The following CHD6 variants were observed in gnomAD, a reference collection of about 807,000 sequenced individuals.
The protein encoded by CHD6 is ATP-dependent chromatin remodeler CHD6.
CHD6 carries 50 observed loss-of-function variants against 276.9 expected under a neutral mutation model. The observed-to-expected ratio is 0.18, with a 90% CI of 0.14 to 0.23. The LOEUF (loss-of-function observed/expected upper bound fraction) is 0.23, where lower values mean the gene tolerates loss of function less well. Ranked by LOEUF, CHD6 falls within the 10% of genes least tolerant of loss-of-function variation. The probability of loss-of-function intolerance (pLI) is 1.00; values close to 1 mark genes in which losing one functional copy is unlikely to be tolerated. For synonymous variants in CHD6, 1,173 were observed against 1,229.3 expected, an observed-to-expected ratio of 0.95 and a Z score of 0.96; for missense variants, 2,564 against 3,365.8, an observed-to-expected ratio of 0.76 and a Z score of 5.89.
chr20:41,415,654 C>T lies in CHD6; in HGVS notation c.6487-16G>A. The T allele has an allele frequency of 1.9e-6, 3 of 1,546,360 alleles. No homozygotes were observed. Among genetic ancestry groups the T allele is most frequent in the Non-Finnish European group, 2.6e-6 (3 of 1,149,214 alleles). On this transcript the variant is annotated splice_polypyrimidine_tract_variant and intron_variant, in intron 33 of 36. Coordinates refer to ENST00000373233, the MANE Select transcript of CHD6 (RefSeq NM_032221.5). ...AGAAGCTCTCCTGTGAACACACAAA[C>T]AGCAAGAGAGGTCTGAATGTCACAC...
At chr20:41,411,864 TAGG>T (rs1569043489) in intron 36 of CHD6, among the ~76,000 whole-genome samples, 1 of 152,170 alleles carries the variant, frequency 6.6e-6, no homozygotes, top group African/African-American at 2.4e-5. Context: ...ACTCTACAAA[TAGG>T]AGAAACAAAA....
chr20:41,563,863 C>T, intron 1 of CHD6: 1 of 568,272 alleles, frequency 1.8e-6, no homozygotes, highest in African/African-American at 1.9e-5. Context: ...GCTTCAGAGC[C>T]CTGAAAATTC....
intron 27 of CHD6, among the ~76,000 whole-genome samples, chr20:41,436,439 T>C (rs771421607): frequency 4.6e-5 from 7 of 152,176 alleles, no homozygotes; most frequent in Non-Finnish European, 1.0e-4. Context: ...GTACAGCCAC[T>C]CTGGAAAACA....
intron 25 of CHD6, among the ~76,000 whole-genome samples, chr20:41,443,069 CT>C (rs2047948574): frequency 6.6e-6 from 1 of 152,260 alleles, no homozygotes; most frequent in Non-Finnish European, 1.5e-5. Context: ...TTCAAGGCCT[CT>C]GCCCCTCAGC....
chr20:41,548,741 C>A (rs1243313692), intron 2 of CHD6, among the ~76,000 whole-genome samples: 1 of 152,054 alleles, frequency 6.6e-6, no homozygotes, highest in African/African-American at 2.4e-5. Context: ...TCGCAACCTA[C>A]TCATCTGACA....
intron 4 of CHD6, 127 bp from the exon 5 acceptor site, chr20:41,513,122 C>G (rs768789615): frequency 2.2e-5 from 22 of 994,558 alleles, no homozygotes; most frequent in Non-Finnish European, 3.3e-5. Flanking sequence ...AGAAATCTTT[C>G]TTAAATACAA....
At chr20:41,609,435 C>T (rs1379603093) in intron 1 of CHD6, among the ~76,000 whole-genome samples, 1 of 152,202 alleles carries the variant, frequency 6.6e-6, no homozygotes, top group Non-Finnish European at 1.5e-5. Flanking sequence ...AGACAACCTA[C>T]CGCCACTCAC....
In CHD6 at chr20:41,596,700, T is replaced by C. The variant is rs149479663; in HGVS notation, c.-24+21640A>G. Among the ~76,000 whole-genome samples the C allele has an allele frequency of 5.3e-5, 8 of 151,838 alleles. No homozygotes were observed. In the East Asian group the frequency reaches 7.8e-4, roughly 15 times the overall value. The stretch of plus-strand genomic sequence containing the variant: ...CATTTAATATACAGCAGGGAAAAGA[T>C]GAAGGGCCCATGGAGTTTTTAAACA... On this transcript the variant is annotated intron_variant, in intron 1 of 36. Transcript: ENST00000373233.
Position 41,487,255 on chromosome 20 carries a change from G to A in CHD6, c.2001+410C>T, listed in dbSNP as rs1042998411. On this transcript the variant is annotated intron_variant, in intron 14 of 36. Coordinates refer to ENST00000373233, the MANE Select transcript of CHD6 (RefSeq NM_032221.5). ...TTCCTCACTACCTGTGTATTGTGCT[G>A]TATGCAAGAAGATGGGCCTGGGAAC... 1.9e-4 allele frequency among the ~76,000 whole-genome samples: 29 copies of A among 152,184 alleles called. 1 individual carries two copies. The highest frequency in any genetic ancestry group is 2.6e-4 in the Non-Finnish European group (18 of 68,022).
At position 41,452,638 on chromosome 20, in the gene CHD6, TC is replaced by T; in HGVS notation, c.3323+101del. ...AACAGATCCCCCTTTGCCCTATAAT[TC>T]CAAAGGTGACTGGAGAGACATCCTA... On this transcript the variant is annotated intron_variant, in intron 21 of 36. Coordinates refer to ENST00000373233, the MANE Select transcript of CHD6 (RefSeq NM_032221.5). The surrounding 1 kb of genome is among the most constrained non-coding windows in gnomAD (Gnocchi z 4.2). 2 of 1,053,640 alleles carry T rather than the reference TC, an allele frequency of 1.9e-6. No individual in the cohort carries two copies. Among genetic ancestry groups the T allele is most frequent in the Non-Finnish European group, 2.8e-6 (2 of 712,516 alleles). The allele number at this position is 1,053,640 out of a possible 1,614,324, so 65.3% of individuals were successfully genotyped here. A position where few individuals can be genotyped will look rare whatever the true frequency, so the allele number is the denominator to read the frequency against.
At chr20:41,601,562 G>A (rs529965964) in intron 1 of CHD6, among the ~76,000 whole-genome samples, 5 of 152,196 alleles carry the variant, frequency 3.3e-5, no homozygotes, top group South Asian at 2.1e-4. Context: ...GCCAGGAAAG[G>A]TATGCTCCTG....
intron 5 of CHD6, among the ~76,000 whole-genome samples, chr20:41,507,843 T>G (rs1323261318): frequency 6.6e-6 from 1 of 152,198 alleles, no homozygotes. Context: ...CTCAGCCAAC[T>G]ACCTCTTTTA....
chr20:41,579,910 G>T (rs1482010522), intron 1 of CHD6, among the ~76,000 whole-genome samples: 2 of 151,996 alleles, frequency 1.3e-5, no homozygotes. Flanking sequence ...TACAATAAAA[G>T]AAAAAAATTG....
chr20:41,607,368 T>TTCTA (rs908379922), intron 1 of CHD6, among the ~76,000 whole-genome samples: 22 of 152,212 alleles, frequency 1.4e-4, no homozygotes, highest in Admixed American at 1.4e-3. Flanking sequence ...ATGCTTGTAG[T>TTCTA]GGCAGTTTAC....
intron 1 of CHD6, among the ~76,000 whole-genome samples, chr20:41,564,408 G>A (rs2045333685): frequency 1.3e-5 from 2 of 152,194 alleles, no homozygotes; most frequent in African/African-American, 4.8e-5. Context: ...TATGCTGAGT[G>A]AAAGAGGACA....
chr20:41,427,798 T>C (rs759412802), intron 27 of CHD6, among the ~76,000 whole-genome samples: 2 of 152,234 alleles, frequency 1.3e-5, no homozygotes, highest in Non-Finnish European at 2.9e-5. Context: ...TTTTATCTTA[T>C]ACTACTATTT....
intron 10 of CHD6, among the ~76,000 whole-genome samples, chr20:41,492,543 T>C (rs2043580516): frequency 1.3e-5 from 2 of 152,188 alleles, no homozygotes; most frequent in African/African-American, 2.4e-5. Flanking sequence ...AAAATGGCAA[T>C]GTTTTTTTAA....
intron 34 of CHD6, chr20:41,414,648 A>C: frequency 4.6e-6 from 1 of 215,824 alleles, no homozygotes; most frequent in Non-Finnish European, 9.1e-6. Context: ...AGTTTGGAAC[A>C]AACTGTCTTA....
intron 1 of CHD6, among the ~76,000 whole-genome samples, chr20:41,617,614 C>CA (rs1568736724): frequency 6.6e-6 from 1 of 152,164 alleles, no homozygotes; most frequent in African/African-American, 2.4e-5. Flanking sequence ...TTGAAGAGGA[C>CA]AGATAGATCT....
Sources: allele counts gnomAD v4.1 joint callset (sites outside exome capture counted in the v4.1 genomes callset), GRCh38; gene constraint gnomAD v4.1.1; non-coding constraint Gnocchi (gnomAD v3.1); transcripts MANE v1.5; gene names NCBI Gene and HGNC (gene_info 2026-07-23, HGNC 2026-07-21).